PTPRT: variants seen among roughly 807,000 people sequenced by gnomAD.
The protein encoded by PTPRT is protein tyrosine phosphatase receptor type T, also known as receptor-type tyrosine-protein phosphatase T.
PTPRT carries 56 observed loss-of-function variants against 176.8 expected under a neutral mutation model. The observed-to-expected ratio is 0.32, with a 90% CI of 0.26 to 0.40. PTPRT has a LOEUF of 0.40. Among genes scored for constraint, PTPRT ranks in the 10% least tolerant of loss-of-function variants. PTPRT has a pLI of 1.00. For synonymous variants in PTPRT, 783 were observed against 739.0 expected, an observed-to-expected ratio of 1.06 and a Z score of -0.96; for missense variants, 1,540 against 1,908.2, an observed-to-expected ratio of 0.81 and a Z score of 3.60.
chr20:42,102,312 G>A lies in PTPRT; in HGVS notation c.3541-15C>T, dbSNP rs755088033. ...ATGTTGAGGGTCTGTGGGGCACAAA[G>A]GTGAATAGATAGGCCCTGCTCATTT... On this transcript the variant is annotated splice_polypyrimidine_tract_variant and intron_variant, in intron 25 of 30. Transcript: ENST00000373187. The A allele has an allele frequency of 3.1e-6, 5 of 1,610,902 alleles. No homozygotes were observed. In the South Asian group the frequency reaches 5.5e-5, roughly 18 times the overall value.
intron 9 of PTPRT, among the ~76,000 whole-genome samples, chr20:42,410,782 T>G (rs2059007546): frequency 6.6e-6 from 1 of 152,082 alleles, no homozygotes; most frequent in Non-Finnish European, 1.5e-5. Flanking sequence ...ATCTGAAAAA[T>G]TCCCCAATAT....
chr20:42,378,820 G>A (rs529855546), intron 9 of PTPRT, among the ~76,000 whole-genome samples: 3 of 152,234 alleles, frequency 2.0e-5, no homozygotes, highest in African/African-American at 7.2e-5. Context: ...CCCCTTCACA[G>A]GATTTTGAAA....
At chr20:43,014,386 A>C (rs561138799) in intron 1 of PTPRT, among the ~76,000 whole-genome samples, 2 of 152,320 alleles carry the variant, frequency 1.3e-5, no homozygotes, top group African/African-American at 4.8e-5. Context: ...TTTCAAGTCC[A>C]ATTTCACAAG....
rs547723738 is a variant in PTPRT at position 42,157,774 on chromosome 20, AGT to A, written c.2682+3576_2682+3577del. On this transcript the variant is annotated intron_variant, in intron 17 of 30. Coordinates refer to ENST00000373187, the MANE Select transcript of PTPRT (RefSeq NM_007050.6). ...CAATAGTACATGGTAGGAATAATGC[AGT>A]GTGATACCCAAGTTTGGGCCACAAC... is the stretch of plus-strand genomic sequence containing the variant. Among the ~76,000 whole-genome samples the A allele has an allele frequency of 9.6e-4, 146 of 152,358 alleles. 1 individual carries two copies. Among genetic ancestry groups the A allele is most frequent in the Non-Finnish European group, 1.6e-3 (110 of 68,030 alleles).
chr20:43,144,823 T>A lies in PTPRT; in HGVS notation c.88+44823A>T, dbSNP rs555608551. Among the ~76,000 whole-genome samples, 4 of 152,228 alleles carry A rather than the reference T, an allele frequency of 2.6e-5. No homozygotes were observed. The South Asian group carries it at 8.3e-4, about 32-fold the overall frequency. Reference sequence around the variant, plus strand: ...TGATGTTTTCAAAAAGAAAAGTTGGTCACAACACATCACTGCTTAAAATTT... The same window carrying A: ...TGATGTTTTCAAAAAGAAAAGTTGGACACAACACATCACTGCTTAAAATTT... On this transcript the variant is annotated intron_variant, in intron 1 of 30. Transcript: ENST00000373187.
chr20:42,599,971 A>G (rs2073746989), intron 7 of PTPRT, among the ~76,000 whole-genome samples: 2 of 150,446 alleles, frequency 1.3e-5, no homozygotes, highest in African/African-American at 4.9e-5. Flanking sequence ...TTACTACATC[A>G]CTCTTTGTGT....
intron 23 of PTPRT, among the ~76,000 whole-genome samples, chr20:42,107,689 C>T (rs1023211023): frequency 2.6e-5 from 4 of 152,188 alleles, no homozygotes; most frequent in African/African-American, 9.7e-5. Context: ...ATGGGAAGGC[C>T]GGGCAGCCTG....
intron 17 of PTPRT, among the ~76,000 whole-genome samples, chr20:42,143,024 T>G (rs1263906424): frequency 6.6e-6 from 1 of 151,396 alleles, no homozygotes; most frequent in Non-Finnish European, 1.5e-5. Flanking sequence ...AGGACTGGAG[T>G]GTTGTGAAGA....
chr20:42,179,819 G>A (rs1363683809), intron 16 of PTPRT, among the ~76,000 whole-genome samples: 1 of 152,180 alleles, frequency 6.6e-6, no homozygotes, highest in South Asian at 2.1e-4. Flanking sequence ...TGGGGGGCTG[G>A]AGCAATCACC....
At chr20:42,648,298 G>A (rs1288253475) in intron 7 of PTPRT, among the ~76,000 whole-genome samples, 1 of 152,112 alleles carries the variant, frequency 6.6e-6, no homozygotes, top group African/African-American at 2.4e-5. Context: ...CTGTTGGGGT[G>A]CTTTGTCCTT....
chr20:42,351,708 TCA>T (rs2058287237), intron 10 of PTPRT, among the ~76,000 whole-genome samples: 1 of 152,140 alleles, frequency 6.6e-6, no homozygotes, highest in African/African-American at 2.4e-5. Context: ...ATTCATTCAT[TCA>T]TTCATTCATC....
At chr20:42,574,693 C>A (rs1034096012) in intron 7 of PTPRT, among the ~76,000 whole-genome samples, 1 of 151,872 alleles carries the variant, frequency 6.6e-6, no homozygotes, top group Non-Finnish European at 1.5e-5. Flanking sequence ...AGGGGTTGGG[C>A]GAAGAAAGGT....
At chr20:42,929,709 C>T (rs1232376282) in intron 1 of PTPRT, among the ~76,000 whole-genome samples, 2 of 152,140 alleles carry the variant, frequency 1.3e-5, no homozygotes, top group Non-Finnish European at 2.9e-5. Flanking sequence ...GTCAAAATAG[C>T]GGAGAACATT....
chr20:42,885,748 T>G, intron 2 of PTPRT, 59 bp downstream of exon 2: 2 of 1,562,414 alleles, frequency 1.3e-6, no homozygotes. Flanking sequence ...CTTCCCCCCA[T>G]GATTCACGGT....
chr20:42,793,179 A>G (rs963650624), intron 2 of PTPRT, among the ~76,000 whole-genome samples: 20 of 152,180 alleles, frequency 1.3e-4, no homozygotes, highest in Admixed American at 5.2e-4. Flanking sequence ...CATCCTACCA[A>G]TGAGAAAAAC....
At chr20:42,094,637 C>CA (rs1985002924) in intron 27 of PTPRT, among the ~76,000 whole-genome samples, 1 of 152,080 alleles carries the variant, frequency 6.6e-6, no homozygotes, top group Admixed American at 6.5e-5. Flanking sequence ...TGCCTATAAC[C>CA]CCAGCACTTT....
At chr20:43,060,476 G>T (rs1395378454) in intron 1 of PTPRT, among the ~76,000 whole-genome samples, 1 of 152,124 alleles carries the variant, frequency 6.6e-6, no homozygotes, top group Non-Finnish European at 1.5e-5. Flanking sequence ...CACATCAGGG[G>T]TTAGATGTCA....
At position 42,472,392 on chromosome 20, in the gene PTPRT, G is replaced by A; in HGVS notation, c.1324C>T (p.Gln442Ter). The A allele has an allele frequency of 6.2e-7, 1 of 1,614,136 alleles. No homozygotes were observed. ...CGCAGGGTGTAGTGGGAGGAGGTCT[G>A]GATGACCTCCTCGGCCTCGTACTGC... ...QQQYEAEEVI[Q>*]TSSHYTLRGL... The change falls in exon 8 of 31, where the codon CAG becomes TAG. Residue 442 changes from glutamine (Q) to a stop codon, truncating the protein, a stop_gained. Coordinates refer to ENST00000373187, the MANE Select transcript of PTPRT (RefSeq NM_007050.6). LOFTEE classifies it high-confidence loss of function.
intron 7 of PTPRT, among the ~76,000 whole-genome samples, chr20:42,533,796 C>T (rs556702962): frequency 6.6e-6 from 1 of 152,346 alleles, no homozygotes; most frequent in Admixed American, 6.5e-5. Context: ...TCCATATGGG[C>T]AGGCACATGC....
Sources: gnomAD v4.1 joint callset for allele counts (sites outside exome capture counted in the v4.1 genomes callset) on GRCh38, gnomAD v4.1.1 for gene constraint, MANE v1.5 for transcripts, NCBI Gene and HGNC (gene_info 2026-07-23, HGNC 2026-07-21) for gene names.